The following MINAR1 variants were observed in gnomAD, a reference collection of about 807,000 sequenced individuals.
The protein encoded by MINAR1 is major intrinsically disordered Notch2-binding receptor 1.
In MINAR1, 40 loss-of-function variants were observed where a neutral mutation model predicts 65.1. The ratio of observed to expected loss-of-function variants is 0.61; its 90% CI spans 0.48 to 0.80. The LOEUF (loss-of-function observed/expected upper bound fraction) is 0.80. Ranked by LOEUF, MINAR1 falls within the 30% of genes least tolerant of loss-of-function variation. The pLI is 0.00. For missense variants in MINAR1, 1,128 were observed against 1,148.0 expected (o/e 0.98, Z 0.25); for synonymous variants, 482 against 449.1 (o/e 1.07, Z -0.93).
intron 2 of MINAR1, among the ~76,000 whole-genome samples, chr15:79,461,757 C>T (rs1043015529): frequency 3.3e-5 from 5 of 151,368 alleles, no homozygotes; most frequent in Admixed American, 6.6e-5. Flanking sequence ...AGGACCCACA[C>T]ACTCACACAT....
At chr15:79,431,690 G>A (rs561019690), upstream of MINAR1, among the ~76,000 whole-genome samples, 2 of 152,338 alleles carry the variant, frequency 1.3e-5, no homozygotes, top group African/African-American at 4.8e-5. Flanking sequence ...GAGGAGAGCC[G>A]AGGACACTCT....
At chr15:79,440,345 C>G (rs534658165) in intron 1 of MINAR1, among the ~76,000 whole-genome samples, 4 of 152,324 alleles carry the variant, frequency 2.6e-5, no homozygotes, top group African/African-American at 9.6e-5. Context: ...ATGCAGGGAG[C>G]TGCAGCCAGG....
the MINAR1 span, chr15:79,416,463 AG>A: frequency 2.0e-5 from 3 of 152,224 alleles, no homozygotes; most frequent in African/African-American, 7.2e-5. Context: ...ATCTCTTTCC[AG>A]GGGTCGTAAG....
At chr15:79,411,838 C>G in the MINAR1 span, 1 of 259,642 alleles carries the variant, frequency 3.9e-6, no homozygotes, top group South Asian at 6.4e-5. Context: ...TAGCCAGGGA[C>G]AGCCATCCCT....
In MINAR1 at chr15:79,472,153, T is replaced by C. The variant is rs186576218; in HGVS notation, c.*3769T>C. On this transcript the variant is annotated 3_prime_UTR_variant, in exon 4 of 4. Coordinates refer to ENST00000305428, the MANE Select transcript of MINAR1 (RefSeq NM_015206.3). Reference sequence around the variant, plus strand: ...CACTCTTGGTGCTTGATAAATGTTATGTTATATAATACCAATAACTAAGCA... The same window carrying C: ...CACTCTTGGTGCTTGATAAATGTTACGTTATATAATACCAATAACTAAGCA... 1.8e-3 allele frequency: 277 copies of C among 152,764 alleles called. 1 individual carries two copies. The highest frequency in any genetic ancestry group is 6.2e-3 in the African/African-American group (257 of 41,568). The allele number at this position is 152,764 out of a possible 1,614,324, so 9.5% of individuals were successfully genotyped here.
the MINAR1 span, chr15:79,412,138 C>T: frequency 6.6e-6 from 1 of 151,564 alleles, no homozygotes; most frequent in African/African-American, 2.4e-5. Flanking sequence ...AGCTCCAGCA[C>T]AGCAGCCCCT....
the MINAR1 span, chr15:79,424,158 A>G: frequency 6.6e-6 from 1 of 152,174 alleles, no homozygotes; most frequent in South Asian, 2.1e-4. Context: ...GACCCTAAAA[A>G]TATTTTTGTT....
In MINAR1 at chr15:79,471,357, C is replaced by T. The variant is rs983652274; in HGVS notation, c.*2973C>T. 6.6e-6 allele frequency: 1 copy of T among 152,516 alleles called. No individual in the cohort carries two copies. The highest frequency in any genetic ancestry group is 2.4e-5 in the African/African-American group (1 of 41,394). The allele number at this position is 152,516 out of a possible 1,614,324, so 9.4% of individuals were successfully genotyped here. ...ATGATTAAATTCATAATCATTTCAT[C>T]TTCTTTCATAATCATTTCATCTTCT... On this transcript the variant is annotated 3_prime_UTR_variant, in exon 4 of 4. Transcript: ENST00000305428.
intron 1 of MINAR1, among the ~76,000 whole-genome samples, chr15:79,448,530 A>C (rs1895084602): frequency 6.6e-6 from 1 of 152,224 alleles, no homozygotes; most frequent in South Asian, 2.1e-4. Flanking sequence ...AAAATTCAAA[A>C]CAAGCAGGCC....
At chr15:79,414,743 T>C in the MINAR1 span, 1 of 152,186 alleles carries the variant, frequency 6.6e-6, no homozygotes, top group Non-Finnish European at 1.5e-5. Context: ...TGTGTGCTTG[T>C]AATGTGCCTA....
At chr15:79,467,416 GATT>G (rs1348885182) in intron 3 of MINAR1, among the ~76,000 whole-genome samples, 4 of 152,226 alleles carry the variant, frequency 2.6e-5, no homozygotes, top group African/African-American at 9.6e-5. Flanking sequence ...CATGGAAATA[GATT>G]ATAACTGTCA....
chr15:79,449,244 C>G (rs1567053890), intron 1 of MINAR1, among the ~76,000 whole-genome samples: 1 of 152,192 alleles, frequency 6.6e-6, no homozygotes, highest in Non-Finnish European at 1.5e-5. Flanking sequence ...CAGTGCTCAT[C>G]TTAACCTCAG....
rs144616367 is a variant in MINAR1 at position 79,461,480 on chromosome 15, A to T, written c.2299-1587A>T. ...TCCCCTTCCTCCCAGCTTGGTGCAG[A>T]CTCTGCATGCAATAGGAGCTCTCTG... On this transcript the variant is annotated intron_variant, in intron 2 of 3. Transcript: ENST00000305428. 3.3e-5 allele frequency among the ~76,000 whole-genome samples: 5 copies of T among 152,286 alleles called. No homozygotes were observed. In the East Asian group the frequency reaches 7.7e-4, roughly 24 times the overall value.
At chr15:79,429,124 G>C (rs1356414156), upstream of MINAR1, among the ~76,000 whole-genome samples, 1 of 152,212 alleles carries the variant, frequency 6.6e-6, no homozygotes, top group African/African-American at 2.4e-5. Flanking sequence ...TAGTCTCTAA[G>C]AAGTTCAAAT....
chr15:79,430,202 GAAATT>G (rs533638148), upstream of MINAR1, among the ~76,000 whole-genome samples: 1,197 of 152,240 alleles, frequency 7.9e-3, 10 homozygotes, highest in Non-Finnish European at 0.011. Context: ...ATTTCAGAAA[GAAATT>G]AAATAAACCT....
Position 79,469,848 on chromosome 15 carries a change from G to A in MINAR1, c.*1464G>A, listed in dbSNP as rs1226951135. 3 of 152,634 alleles carry A rather than the reference G, an allele frequency of 2.0e-5. No individual in the cohort carries two copies. The highest frequency in any genetic ancestry group is 2.9e-5 in the Non-Finnish European group (2 of 68,036). 9.5% of individuals were successfully genotyped at this position (152,634 alleles called of 1,614,324 possible). A position where few individuals can be genotyped will look rare whatever the true frequency, so the allele number is the denominator to read the frequency against. On this transcript the variant is annotated 3_prime_UTR_variant, in exon 4 of 4. Transcript: ENST00000305428. ...ATATAAATAGATTTTGGTAGCAAGT[G>A]TAATCACTCCGTATGATATAATAAA... is the stretch of plus-strand genomic sequence containing the variant.
At chr15:79,464,007 G>A (rs775121459) in intron 3 of MINAR1, among the ~76,000 whole-genome samples, 15 of 152,298 alleles carry the variant, frequency 9.8e-5, no homozygotes, top group South Asian at 2.1e-4. Flanking sequence ...TGCCCGTTCC[G>A]TCCAGGCTCT....
At position 79,468,189 on chromosome 15, in the gene MINAR1, G is replaced by T. The variant is rs77790285; in HGVS notation, c.2556G>T (p.Thr852=). ...KGKLTALDLQ[T]QESLNPNNLE... Reference sequence around the variant, plus strand: ...TAACATCTTCTCTTCGCTTTTAGACGCAAGAATCTTTAAACCCAAATAATT... The same window carrying T: ...TAACATCTTCTCTTCGCTTTTAGACTCAAGAATCTTTAAACCCAAATAATT... Residue 852 remains threonine, a splice_region_variant and synonymous_variant, in exon 4 of 4, where the codon ACG becomes ACT. Coordinates refer to ENST00000305428, the MANE Select transcript of MINAR1 (RefSeq NM_015206.3). The T allele has an allele frequency of 7.4e-6, 12 of 1,612,330 alleles. No homozygotes were observed. Among genetic ancestry groups the T allele is most frequent in the East Asian group, 2.2e-5 (1 of 44,872 alleles).
Position 79,456,813 on chromosome 15 carries a change from C to T in MINAR1, c.666C>T (p.Asn222=), listed in dbSNP as rs3750000. The change falls in exon 2 of 4, where the codon AAC becomes AAT. Residue 222 remains asparagine, a synonymous_variant. Coordinates refer to ENST00000305428, the MANE Select transcript of MINAR1 (RefSeq NM_015206.3). ...CCTACTTCCCCATGAACATCGAAAA[C>T]GAGTCCATTTCAGACCAGGACTCCC... ...QRTYFPMNIE[N]ESISDQDSLP... 17,500 of 1,614,160 alleles carry T rather than the reference C, an allele frequency of 0.011. 2,041 individuals are homozygous for T. The East Asian group carries it at 0.29, about 27-fold the overall frequency.
Sources: gnomAD v4.1 joint callset for allele counts (sites outside exome capture counted in the v4.1 genomes callset) on GRCh38, gnomAD v4.1.1 for gene constraint, MANE v1.5 for transcripts, NCBI Gene and HGNC (gene_info 2026-07-23, HGNC 2026-07-21) for gene names.